Variants in OPCML observed in about 807,000 individuals in gnomAD.
OPCML encodes the protein opioid binding protein/cell adhesion molecule like.
In OPCML, 13 loss-of-function variants were observed where a neutral mutation model predicts 37.8. The ratio of observed to expected loss-of-function variants is 0.34; its 90% CI spans 0.22 to 0.55. The LOEUF is 0.55. OPCML is among the 20% of genes least tolerant of loss of function. The pLI, the probability that OPCML is intolerant of heterozygous loss-of-function variation, is 0.91. For synonymous variants in OPCML, 176 were observed against 168.8 expected (o/e 1.04, Z -0.33); for missense variants, 341 against 435.6 (o/e 0.78, Z 1.93).
At chr11:133,310,131 A>G (rs2136590328) in intron 1 of OPCML, among the ~76,000 whole-genome samples, 1 of 152,344 alleles carries the variant, frequency 6.6e-6, no homozygotes, top group East Asian at 1.9e-4. Context: ...CTGGAGGGTG[A>G]AACTGAAATT....
intron 4 of OPCML, among the ~76,000 whole-genome samples, chr11:132,438,148 T>C (rs1402374489): frequency 1.3e-5 from 2 of 152,230 alleles, no homozygotes; most frequent in Non-Finnish European, 2.9e-5. Context: ...TTGTATTGCT[T>C]TTATGCCACC....
chr11:132,713,062 T>C (rs1944331061), intron 2 of OPCML, among the ~76,000 whole-genome samples: 1 of 152,126 alleles, frequency 6.6e-6, no homozygotes, highest in African/African-American at 2.4e-5. Context: ...CATAGATCCC[T>C]ATCCCCTTTG....
intron 2 of OPCML, among the ~76,000 whole-genome samples, chr11:132,837,856 CCCTCCCT>C (rs1941108216): frequency 6.6e-6 from 1 of 152,178 alleles, no homozygotes; most frequent in Admixed American, 6.5e-5. Flanking sequence ...CCAAGACAGG[CCCTCCCT>C]CCTCCCTCAC....
At chr11:132,726,854 G>C (rs1368525160) in intron 2 of OPCML, among the ~76,000 whole-genome samples, 2 of 152,162 alleles carry the variant, frequency 1.3e-5, no homozygotes, top group Non-Finnish European at 2.9e-5. Flanking sequence ...CCATGTGCCT[G>C]AAATACCTCC....
At chr11:133,151,452 T>G (rs1463184769) in intron 1 of OPCML, among the ~76,000 whole-genome samples, 2 of 149,656 alleles carry the variant, frequency 1.3e-5, no homozygotes, top group Admixed American at 6.6e-5. Flanking sequence ...AAAGAGAATG[T>G]ATTTTTTTTT....
At chr11:132,825,646 C>T (rs767641716) in intron 2 of OPCML, among the ~76,000 whole-genome samples, 45 of 152,170 alleles carry the variant, frequency 3.0e-4, no homozygotes, top group Non-Finnish European at 5.3e-4. Context: ...ACTTGGAAGG[C>T]GGGTTGAAAA....
chr11:132,828,619 A>G (rs2136272139), intron 2 of OPCML, among the ~76,000 whole-genome samples: 1 of 146,302 alleles, frequency 6.8e-6, no homozygotes, highest in East Asian at 1.9e-4. Flanking sequence ...CCTATTGTTC[A>G]CCAACAGAAA....
intron 4 of OPCML, among the ~76,000 whole-genome samples, chr11:132,452,093 A>G (rs1565574145): frequency 6.6e-6 from 1 of 152,134 alleles, no homozygotes; most frequent in Non-Finnish European, 1.5e-5. Context: ...AGAAGAATGG[A>G]AGGAATGAGA....
intron 7 of OPCML, among the ~76,000 whole-genome samples, chr11:132,426,886 G>T (rs920790003): frequency 3.9e-5 from 6 of 152,180 alleles, no homozygotes; most frequent in Non-Finnish European, 8.8e-5. Context: ...CTCTTGAGTG[G>T]CAGGTGTTGA....
intron 1 of OPCML, among the ~76,000 whole-genome samples, chr11:133,419,785 T>C (rs1372094543): frequency 2.0e-5 from 3 of 152,244 alleles, no homozygotes; most frequent in Non-Finnish European, 4.4e-5. Context: ...CATTCTATCA[T>C]GTCTGTAACC....
At chr11:132,770,689 A>G (rs542074754) in intron 2 of OPCML, among the ~76,000 whole-genome samples, 17 of 152,284 alleles carry the variant, frequency 1.1e-4, no homozygotes, top group Admixed American at 1.0e-3. Context: ...TCATTGTGCC[A>G]TTCGACTCTG....
intron 1 of OPCML, among the ~76,000 whole-genome samples, chr11:133,356,438 T>G (rs1324466925): frequency 3.9e-5 from 6 of 152,106 alleles, no homozygotes; most frequent in Admixed American, 3.9e-4. Flanking sequence ...CTCTCCACAA[T>G]CGGGGTTAGA....
At position 133,279,017 on chromosome 11, in the gene OPCML, C is replaced by T. The variant is rs377245473; in HGVS notation, c.61+253247G>A. Among the ~76,000 whole-genome samples the T allele has an allele frequency of 2.8e-4, 43 of 152,288 alleles. No individual in the cohort carries two copies. In the South Asian group the frequency reaches 7.3e-3, roughly 26 times the overall value. ...CAATCACCCGCTGGATTAACAAATG[C>T]TAGCGCTTAAACCTGGGTGATTTCA... On this transcript the variant is annotated intron_variant, in intron 1 of 7. Coordinates refer to ENST00000524381, the MANE Select transcript of OPCML (RefSeq NM_001012393.5).
intron 1 of OPCML, among the ~76,000 whole-genome samples, chr11:133,031,054 T>A (rs1160387015): frequency 6.6e-6 from 1 of 152,216 alleles, no homozygotes; most frequent in Non-Finnish European, 1.5e-5. Context: ...TATCACAACC[T>A]AGCTCTGTAA....
At chr11:132,975,317 T>C (rs1946434518) in intron 1 of OPCML, among the ~76,000 whole-genome samples, 2 of 151,330 alleles carry the variant, frequency 1.3e-5, no homozygotes, top group South Asian at 4.2e-4. Context: ...GCTATGGAAG[T>C]CCTCTCTGAT....
chr11:132,540,770 C>T (rs910419629), intron 3 of OPCML, among the ~76,000 whole-genome samples: 1 of 152,204 alleles, frequency 6.6e-6, no homozygotes, highest in Admixed American at 6.5e-5. Context: ...ATGGTTGTCT[C>T]CACAGTGTCT....
At chr11:133,418,386 C>G (rs1161663135) in intron 1 of OPCML, 3 of 985,138 alleles carry the variant, frequency 3.0e-6, no homozygotes, top group African/African-American at 3.5e-5. Flanking sequence ...CAGAAGCCAC[C>G]TAAATAGATT....
intron 1 of OPCML, among the ~76,000 whole-genome samples, chr11:133,184,059 G>A (rs1283364290): frequency 1.3e-5 from 2 of 152,142 alleles, no homozygotes; most frequent in East Asian, 3.9e-4. Flanking sequence ...ACATTGAAGG[G>A]GAGGAAGTAG....
intron 7 of OPCML, among the ~76,000 whole-genome samples, chr11:132,421,315 G>C (rs537653019): frequency 6.6e-6 from 1 of 152,282 alleles, no homozygotes; most frequent in South Asian, 2.1e-4. Flanking sequence ...TATAAAACTA[G>C]TGAAGAAGCA....
Sources: allele counts gnomAD v4.1 joint callset (sites outside exome capture counted in the v4.1 genomes callset), GRCh38; gene constraint gnomAD v4.1.1; transcripts MANE v1.5; gene names NCBI Gene and HGNC (gene_info 2026-07-23, HGNC 2026-07-21).